EYA1: variants seen among roughly 807,000 people sequenced by gnomAD.
EYA1 encodes protein phosphatase EYA1.
In EYA1, 16 loss-of-function variants were observed where a neutral mutation model predicts 82.0. The ratio of observed to expected loss-of-function variants is 0.20; its 90% CI spans 0.13 to 0.30. The LOEUF (loss-of-function observed/expected upper bound fraction) is 0.30. Ranked by LOEUF, EYA1 falls within the 10% of genes least tolerant of loss-of-function variation. The pLI, the probability that EYA1 is intolerant of heterozygous loss-of-function variation, is 1.00. For missense variants in EYA1, 633 were observed against 730.7 expected (o/e 0.87, Z 1.54); for synonymous variants, 261 against 264.4 (o/e 0.99, Z 0.12).
intron 2 of EYA1, among the ~76,000 whole-genome samples, chr8:71,506,350 G>T (rs144261889): frequency 2.6e-5 from 4 of 152,266 alleles, no homozygotes; most frequent in African/African-American, 7.2e-5. Flanking sequence ...TCAGCTCAAG[G>T]CTCCATTTAA....
intron 7 of EYA1, 44 bp downstream of exon 7, chr8:71,317,508 T>C (rs1158489040): frequency 8.1e-6 from 13 of 1,604,032 alleles, no homozygotes; most frequent in African/African-American, 1.3e-5. Flanking sequence ...AAGTTAACTA[T>C]CAACCTACAG....
chr8:71,363,367 T>C (rs1016209164), upstream of EYA1, among the ~76,000 whole-genome samples: 7 of 152,116 alleles, frequency 4.6e-5, no homozygotes, highest in African/African-American at 9.7e-5. Flanking sequence ...TATTACAGAC[T>C]TCCCCCCAAC....
At chr8:71,372,720 C>T (rs563587824) in intron 2 of EYA1, among the ~76,000 whole-genome samples, 7 of 151,994 alleles carry the variant, frequency 4.6e-5, no homozygotes, top group Non-Finnish European at 8.8e-5. Flanking sequence ...GGGGAGAGCA[C>T]AGAATTGAAT....
At chr8:71,515,523 T>C (rs1812908308) in intron 2 of EYA1, among the ~76,000 whole-genome samples, 1 of 151,730 alleles carries the variant, frequency 6.6e-6, no homozygotes, top group Non-Finnish European at 1.5e-5. Context: ...TTGTTACTAG[T>C]GATAAAGTTC....
chr8:71,392,559 G>A (rs1829340882), intron 2 of EYA1, among the ~76,000 whole-genome samples: 1 of 152,090 alleles, frequency 6.6e-6, no homozygotes, highest in Non-Finnish European at 1.5e-5. Flanking sequence ...TGAGAGATAG[G>A]CTGTAGTGAG....
chr8:71,420,038 TGAAAA>T (rs1046254859), intron 2 of EYA1, among the ~76,000 whole-genome samples: 4 of 152,098 alleles, frequency 2.6e-5, no homozygotes, highest in African/African-American at 9.7e-5. Context: ...GCACCTTCCT[TGAAAA>T]GAAAAGGTGA....
chr8:71,390,420 G>A (rs1467054132), intron 2 of EYA1, among the ~76,000 whole-genome samples: 1 of 151,892 alleles, frequency 6.6e-6, no homozygotes, highest in African/African-American at 2.4e-5. Context: ...GTACCACCAT[G>A]CCCAACTAAT....
intron 2 of EYA1, among the ~76,000 whole-genome samples, chr8:71,384,277 A>G (rs1178913045): frequency 6.6e-6 from 1 of 152,176 alleles, no homozygotes; most frequent in Non-Finnish European, 1.5e-5. Context: ...TTATTTGAAG[A>G]GCTTAACCTC....
At chr8:71,227,660 T>C (rs909873037) in intron 12 of EYA1, among the ~76,000 whole-genome samples, 9 of 152,334 alleles carry the variant, frequency 5.9e-5, no homozygotes, top group African/African-American at 2.2e-4. Context: ...CAATATTAAA[T>C]AGGTCATACA....
At chr8:71,215,354 C>G (rs776017284) in intron 16 of EYA1, 33 bp downstream of exon 16, 3 of 1,604,666 alleles carry the variant, frequency 1.9e-6, no homozygotes, top group Non-Finnish European at 2.6e-6. Flanking sequence ...AGGAAAAGAG[C>G]TGATTGTTAA....
At chr8:71,338,775 T>C (rs529535212) in intron 3 of EYA1, among the ~76,000 whole-genome samples, 50 of 152,294 alleles carry the variant, frequency 3.3e-4, no homozygotes, top group African/African-American at 1.2e-3. Context: ...AGCCTGTGTG[T>C]TACAAATAAT....
At chr8:71,494,992 C>A (rs1247358829) in intron 2 of EYA1, among the ~76,000 whole-genome samples, 1 of 151,828 alleles carries the variant, frequency 6.6e-6, no homozygotes, top group Non-Finnish European at 1.5e-5. Flanking sequence ...TAGTTTATGG[C>A]CATTTTCTGT....
intron 12 of EYA1, among the ~76,000 whole-genome samples, chr8:71,217,992 T>C (rs1809428387): frequency 6.6e-6 from 1 of 152,120 alleles, no homozygotes. Flanking sequence ...GCATATTAAT[T>C]TGGAGGCAGA....
intron 2 of EYA1, among the ~76,000 whole-genome samples, chr8:71,445,047 T>A (rs1806767023): frequency 6.6e-6 from 1 of 152,172 alleles, no homozygotes. Context: ...ATTTGCCCAA[T>A]TTTTTTACAT....
At chr8:71,292,469 T>C (rs1819109393) in intron 9 of EYA1, among the ~76,000 whole-genome samples, 1 of 152,092 alleles carries the variant, frequency 6.6e-6, no homozygotes, top group African/African-American at 2.4e-5. Flanking sequence ...GAAAACTAGT[T>C]GGTTCTGATC....
chr8:71,303,446 A>T lies in EYA1; in HGVS notation c.557-3726T>A, dbSNP rs1341014423. On this transcript the variant is annotated intron_variant, in intron 7 of 17. Coordinates refer to ENST00000340726, the MANE Select transcript of EYA1 (RefSeq NM_000503.6). Reference sequence around the variant, plus strand: ...CTTCCCCTACAAAACAACTAAAAAAACTTCGACATTCCTATAAAAAATTGG... The same window carrying T: ...CTTCCCCTACAAAACAACTAAAAAATCTTCGACATTCCTATAAAAAATTGG... 4.2e-5 allele frequency among the ~76,000 whole-genome samples: 6 copies of T among 143,042 alleles called. 3 individuals carry two copies. Among genetic ancestry groups the T allele is most frequent in the Admixed American group, 4.2e-4 (6 of 14,392 alleles). 93.8% of individuals were successfully genotyped at this position (143,042 alleles called of 152,430 possible). A position where few individuals can be genotyped will look rare whatever the true frequency, so the allele number is the denominator to read the frequency against.
intron 11 of EYA1, among the ~76,000 whole-genome samples, chr8:71,262,684 T>G (rs764892882): frequency 2.0e-5 from 3 of 152,160 alleles, no homozygotes; most frequent in Non-Finnish European, 4.4e-5. Context: ...CTGTGTTCCA[T>G]TAAACAGCAA....
chr8:71,427,460 A>G (rs1487099071), intron 2 of EYA1, among the ~76,000 whole-genome samples: 2 of 152,224 alleles, frequency 1.3e-5, no homozygotes, highest in East Asian at 3.8e-4. Context: ...TGGAACACTT[A>G]AGGAAAGTCC....
chr8:71,376,203 G>A (rs971516349), intron 2 of EYA1, among the ~76,000 whole-genome samples: 2 of 152,122 alleles, frequency 1.3e-5, no homozygotes, highest in African/African-American at 4.8e-5. Context: ...AAAAACTGGG[G>A]TGAGGAGGGA....
Sources: gnomAD v4.1 joint callset for allele counts (sites outside exome capture counted in the v4.1 genomes callset) on GRCh38, gnomAD v4.1.1 for gene constraint, MANE v1.5 for transcripts, NCBI Gene and HGNC (gene_info 2026-07-23, HGNC 2026-07-21) for gene names.